TREH: variants seen among roughly 807,000 people sequenced by gnomAD.
TREH encodes alpha,alpha-trehalose glucohydrolase.
In TREH, 69 loss-of-function variants were observed where a neutral mutation model predicts 80.5. The observed-to-expected ratio is 0.86, with a 90% CI of 0.71 to 1.05. The LOEUF is 1.05. TREH is among the 50% of genes least tolerant of loss of function. TREH has a pLI of 0.00. For missense variants in TREH, 716 were observed against 718.8 expected (o/e 1.00, Z 0.04); for synonymous variants, 309 against 293.5 (o/e 1.05, Z -0.54).
At chr11:118,660,963 C>T (rs1555144853) in intron 8 of TREH, 48 bp from the exon 9 acceptor site, 1 of 1,555,334 alleles carries the variant, frequency 6.4e-7, no homozygotes, top group East Asian at 2.4e-5. Flanking sequence ...GCTACTAAGC[C>T]CCTCTGTGGT....
intron 1 of TREH, among the ~76,000 whole-genome samples, chr11:118,670,756 A>G (rs1365274363): frequency 1.3e-5 from 2 of 152,150 alleles, no homozygotes; most frequent in Non-Finnish European, 2.9e-5. Context: ...TTCCCCTTTG[A>G]TCCTGTCAGC....
chr11:118,662,018 G>A, intron 4 of TREH, 28 bp from the exon 5 acceptor site: 2 of 1,521,578 alleles, frequency 1.3e-6, no homozygotes, highest in Non-Finnish European at 1.8e-6. Flanking sequence ...GGCAAGGGGA[G>A]CCTAGAATCC....
intron 10 of TREH, 61 bp from the exon 11 acceptor site, chr11:118,660,025 T>A: frequency 6.8e-7 from 1 of 1,479,052 alleles, no homozygotes; most frequent in Non-Finnish European, 9.1e-7. Context: ...CCAGGCTTTT[T>A]TCGTGGTTCT....
At chr11:118,662,780 A>G in intron 4 of TREH, 101 bp downstream of exon 4, 1 of 1,383,162 alleles carries the variant, frequency 7.2e-7, no homozygotes, top group Non-Finnish European at 1.0e-6. Flanking sequence ...TTTCTCAGGA[A>G]AGGAAACCTG....
chr11:118,659,014 A>G lies in TREH; in HGVS notation c.1436T>C (p.Leu479Pro). ...GGCCCGACGTAAAGGTGCCTTGGCC[A>G]GGCCTAGACCCCATTGCAGGCAGGA... ...APLQDLVIRG[L>P]AKAPLRRAQE... Residue 479 changes from leucine to proline, a missense_variant, in exon 13 of 15, where the codon CTG (leucine) becomes CCG (proline). Physicochemically the swap from Leu to Pro is moderately conservative, Grantham distance 98. Coordinates refer to ENST00000264029, the MANE Select transcript of TREH (RefSeq NM_007180.3). 1 of 1,613,696 alleles carries G rather than the reference A, an allele frequency of 6.2e-7. No homozygotes were observed.
chr11:118,679,114 C>T (rs797031404), intron 1 of TREH, among the ~76,000 whole-genome samples: 31 of 152,290 alleles, frequency 2.0e-4, no homozygotes, highest in African/African-American at 4.8e-4. Context: ...CGGTGGCTCA[C>T]GCTTGTATTC....
intron 1 of TREH, among the ~76,000 whole-genome samples, chr11:118,672,729 A>G (rs1329878014): frequency 6.6e-6 from 1 of 151,310 alleles, no homozygotes; most frequent in East Asian, 1.9e-4. Context: ...AAAAAAAAAA[A>G]AAAAAAAGAA....
chr11:118,676,785 G>GAAAAA (rs1555146912), intron 1 of TREH, among the ~76,000 whole-genome samples: 9 of 145,216 alleles, frequency 6.2e-5, no homozygotes, highest in African/African-American at 2.3e-4. Context: ...AAAAAAGAAA[G>GAAAAA]AAAAAAACAA....
chr11:118,675,444 T>C lies in TREH; in HGVS notation c.89+4095A>G, dbSNP rs148808738. On this transcript the variant is annotated intron_variant, in intron 1 of 14. Coordinates refer to ENST00000264029, the MANE Select transcript of TREH (RefSeq NM_007180.3). ...GCACTTATTACCAAGTGGCTACAAATGTAGGGGTTCCCATAACCCTTTCAG... is the reference window on the plus strand; with the variant it reads ...GCACTTATTACCAAGTGGCTACAAACGTAGGGGTTCCCATAACCCTTTCAG... Among the ~76,000 whole-genome samples, 46 of 152,176 alleles carry C rather than the reference T, an allele frequency of 3.0e-4. 1 individual carries two copies. Among genetic ancestry groups the C allele is most frequent in the African/African-American group, 1.1e-3 (46 of 41,494 alleles).
chr11:118,665,121 A>G (rs1352916438), intron 1 of TREH, among the ~76,000 whole-genome samples: 1 of 151,948 alleles, frequency 6.6e-6, no homozygotes, highest in Admixed American at 6.6e-5. Context: ...AAAAAAAAAA[A>G]AAGTGTGTGC....
intron 1 of TREH, among the ~76,000 whole-genome samples, chr11:118,666,556 ACT>A (rs1264295099): frequency 6.6e-6 from 1 of 152,166 alleles, no homozygotes; most frequent in East Asian, 1.9e-4. Flanking sequence ...ACAGGATGTA[ACT>A]CTAGCAATGC....
In TREH at chr11:118,661,963, C is replaced by T. The variant is rs782814418; in HGVS notation, c.451G>A (p.Glu151Lys). 3.2e-6 allele frequency: 5 copies of T among 1,554,414 alleles called. No homozygotes were observed. Among genetic ancestry groups the T allele is most frequent in the Non-Finnish European group, 2.6e-6 (3 of 1,148,642 alleles). The change falls in exon 5 of 15, where the codon GAG becomes AAG. Residue 151 changes from glutamate to lysine, a missense_variant. Glu to Lys is a moderately conservative substitution (Grantham distance 56). Coordinates refer to ENST00000264029, the MANE Select transcript of TREH (RefSeq NM_007180.3). This position sits in a 1 kb window ranked among gnomAD's most constrained non-coding sequence, Gnocchi z 4.2. ...TCTGAGTAGATGAGAGAGAACCGCT[C>T]AGGGTGGCTGAGAACCTCTGGCTTC... The part of the protein sequence containing the change: ...KMKPEVLSHP[E>K]RFSLIYSEHP...
intron 1 of TREH, among the ~76,000 whole-genome samples, chr11:118,675,855 C>T (rs1555146769): frequency 6.6e-6 from 1 of 152,168 alleles, no homozygotes; most frequent in Non-Finnish European, 1.5e-5. Context: ...GCATGCACCA[C>T]CACACCCTGC....
chr11:118,667,780 G>T (rs1379878620), intron 1 of TREH, among the ~76,000 whole-genome samples: 3 of 152,124 alleles, frequency 2.0e-5, no homozygotes, highest in Non-Finnish European at 4.4e-5. Context: ...AGATAGAAAA[G>T]GCTCTAAGGG....
At chr11:118,675,648 G>A (rs966278164) in intron 1 of TREH, among the ~76,000 whole-genome samples, 29 of 152,098 alleles carry the variant, frequency 1.9e-4, no homozygotes, top group African/African-American at 6.0e-4. Context: ...GAACCAGGAC[G>A]TTTCCCCTCC....
intron 1 of TREH, among the ~76,000 whole-genome samples, chr11:118,670,197 G>A (rs1412413083): frequency 6.6e-6 from 1 of 152,118 alleles, no homozygotes; most frequent in Non-Finnish European, 1.5e-5. Flanking sequence ...CACACAGTTT[G>A]GTCTTTCTGG....
At chr11:118,665,572 A>G (rs1010595985) in intron 1 of TREH, among the ~76,000 whole-genome samples, 7 of 151,926 alleles carry the variant, frequency 4.6e-5, no homozygotes, top group Admixed American at 6.5e-5. Flanking sequence ...CCCGGGAGGC[A>G]GAGCTTGCAG....
chr11:118,672,880 C>G (rs72999499), intron 1 of TREH, among the ~76,000 whole-genome samples: 14,430 of 152,066 alleles, frequency 0.095, 880 homozygotes, highest in Non-Finnish European at 0.14. Flanking sequence ...TTACTGGAAC[C>G]ACTGAATCAG....
At chr11:118,671,782 C>T (rs1469725363) in intron 1 of TREH, among the ~76,000 whole-genome samples, 3 of 151,986 alleles carry the variant, frequency 2.0e-5, no homozygotes, top group African/African-American at 7.3e-5. Context: ...AAGAAAGGAT[C>T]CTAAAAGCAG....
Sources: allele counts gnomAD v4.1 joint callset (sites outside exome capture counted in the v4.1 genomes callset), GRCh38; gene constraint gnomAD v4.1.1; non-coding constraint Gnocchi (gnomAD v3.1); transcripts MANE v1.5; gene names NCBI Gene and HGNC (gene_info 2026-07-23, HGNC 2026-07-21).